Variants in MCCC2 observed in about 807,000 individuals in gnomAD.
MCCC2 encodes the protein methylcrotonyl-CoA carboxylase subunit 2, also known as methylcrotonoyl-CoA carboxylase beta chain, mitochondrial.
MCCC2 carries 52 observed loss-of-function variants against 77.2 expected under a neutral mutation model. The observed-to-expected ratio is 0.67, with a 90% CI of 0.54 to 0.85. The LOEUF is 0.85. MCCC2 is among the 40% of genes least tolerant of loss of function. The pLI, the probability that MCCC2 is intolerant of heterozygous loss-of-function variation, is 0.00. For missense variants in MCCC2, 682 were observed against 703.2 expected, an observed-to-expected ratio of 0.97 and a Z score of 0.34; for synonymous variants, 253 against 248.4, an observed-to-expected ratio of 1.02 and a Z score of -0.18.
intron 6 of MCCC2, among the ~76,000 whole-genome samples, chr5:71,612,969 C>T (rs1285393077): frequency 6.6e-6 from 1 of 152,214 alleles, no homozygotes; most frequent in African/African-American, 2.4e-5. Context: ...ACATTCTGTT[C>T]CTTTCCTAGC....
At chr5:71,626,598 A>G in intron 6 of MCCC2, 42 bp from the exon 7 acceptor site, 3 of 1,481,590 alleles carry the variant, frequency 2.0e-6, no homozygotes, top group Non-Finnish European at 2.8e-6. Flanking sequence ...AAGTCACTGC[A>G]TGAGCTGCAT....
Position 71,609,909 on chromosome 5 carries a change from G to A in MCCC2, c.624+5441G>A, listed in dbSNP as rs1745853466. Among the ~76,000 whole-genome samples the A allele has an allele frequency of 7.2e-5, 11 of 152,094 alleles. No homozygotes were observed. In the South Asian group the frequency reaches 2.3e-3, roughly 32 times the overall value. On this transcript the variant is annotated intron_variant, in intron 6 of 16. Coordinates refer to ENST00000340941, the MANE Select transcript of MCCC2 (RefSeq NM_022132.5). ...GTCAGGGGTCAGGGACCCACTTGAG[G>A]AGGCAGTCTGCCCGTTCTCAGATCT...
At position 71,649,234 on chromosome 5, in the gene MCCC2, A is replaced by T. The variant is rs765689621; in HGVS notation, c.1354A>T (p.Met452Leu). The change falls in exon 14 of 17, where the codon ATG (methionine) becomes TTG (leucine). Residue 452 changes from methionine to leucine, a missense_variant. Met to Leu is a conservative substitution (Grantham distance 15). Coordinates refer to ENST00000340941, the MANE Select transcript of MCCC2 (RefSeq NM_022132.5). ...CTCCTATGGAGCCGGAAACTATGGG[A>T]TGTGTGGCAGAGCATATAGGTAGGT... ...GGSYGAGNYG[M>L]CGRAYSPRFL... 1.9e-6 allele frequency: 3 copies of T among 1,614,156 alleles called. No homozygotes were observed. The highest frequency in any genetic ancestry group is 2.5e-6 in the Non-Finnish European group (3 of 1,179,972).
chr5:71,638,459 C>T (rs112049455), intron 10 of MCCC2, among the ~76,000 whole-genome samples: 10,719 of 152,222 alleles, frequency 0.07, 494 homozygotes, highest in African/African-American at 0.12. Flanking sequence ...AAAAGGTTTT[C>T]GATTTACTTT....
intron 6 of MCCC2, among the ~76,000 whole-genome samples, chr5:71,604,879 A>G (rs1028980243): frequency 4.9e-5 from 7 of 141,826 alleles, no homozygotes; most frequent in East Asian, 2.1e-4. Context: ...ATGATTTCCA[A>G]TTTCATCCAT....
intron 3 of MCCC2, 80 bp from the exon 4 acceptor site, chr5:71,599,578 CT>C (rs1214726361): frequency 8.1e-6 from 9 of 1,107,624 alleles, no homozygotes; most frequent in African/African-American, 1.5e-5. Flanking sequence ...GAGGAAAAAT[CT>C]TTTCCTTTTC....
At position 71,635,315 on chromosome 5, in the gene MCCC2, A is replaced by ATGTGT. The variant is rs1376583080; in HGVS notation, c.999+69_999+70insTGTGT. ...CTCTTTGTATGTGTATCTATTTGCA[A>ATGTGT]AGCTAAAGTTTGTTAAGATATGTTC... On this transcript the variant is annotated intron_variant, in intron 10 of 16. Coordinates refer to ENST00000340941, the MANE Select transcript of MCCC2 (RefSeq NM_022132.5). 3 of 1,390,226 alleles carry ATGTGT rather than the reference A, an allele frequency of 2.2e-6. No individual in the cohort carries two copies. The Admixed American group carries it at 5.0e-5, about 23-fold the overall frequency. 86.1% of individuals were successfully genotyped at this position (1,390,226 alleles called of 1,614,324 possible).
intron 4 of MCCC2, among the ~76,000 whole-genome samples, chr5:71,601,142 A>G (rs1367592843): frequency 6.6e-6 from 1 of 152,204 alleles, no homozygotes; most frequent in South Asian, 2.1e-4. Context: ...ATAGAAATGC[A>G]ATCTAGTATT....
At position 71,645,685 on chromosome 5, in the gene MCCC2, C is replaced by G. The variant is rs183064142; in HGVS notation, c.1150-526C>G. 8.5e-5 allele frequency among the ~76,000 whole-genome samples: 13 copies of G among 152,284 alleles called. No individual in the cohort carries two copies. In the South Asian group the frequency reaches 2.5e-3, roughly 29 times the overall value. ...TCAGCAATTCTCATTCGCATCAGTT[C>G]TTTCTTTTCTGTTACTTAAGTTTCA... On this transcript the variant is annotated intron_variant, in intron 12 of 16. Coordinates refer to ENST00000340941, the MANE Select transcript of MCCC2 (RefSeq NM_022132.5).
At chr5:71,644,238 A>G (rs1369001869) in intron 12 of MCCC2, among the ~76,000 whole-genome samples, 6 of 152,190 alleles carry the variant, frequency 3.9e-5, no homozygotes, top group Non-Finnish European at 5.9e-5. Flanking sequence ...GGACATGTAC[A>G]TATTCTCAGT....
At chr5:71,633,704 C>T (rs889827456) in intron 8 of MCCC2, among the ~76,000 whole-genome samples, 1 of 151,996 alleles carries the variant, frequency 6.6e-6, no homozygotes, top group African/African-American at 2.4e-5. Context: ...TTTTCCTTTC[C>T]TGCTGTTTTG....
intron 11 of MCCC2, 143 bp downstream of exon 11, chr5:71,641,218 T>A (rs538544881): frequency 1.4e-6 from 1 of 723,928 alleles, no homozygotes; most frequent in Admixed American, 2.2e-5. Context: ...TAAAAGGAAC[T>A]GCTTTATAAA....
intron 8 of MCCC2, among the ~76,000 whole-genome samples, chr5:71,632,585 A>G (rs1163158931): frequency 6.6e-6 from 1 of 152,218 alleles, no homozygotes; most frequent in African/African-American, 2.4e-5. Flanking sequence ...AAGGCTTACA[A>G]AGGAGAAGAG....
At chr5:71,647,373 C>A (rs1316212230) in intron 13 of MCCC2, among the ~76,000 whole-genome samples, 1 of 152,230 alleles carries the variant, frequency 6.6e-6, no homozygotes, top group Admixed American at 6.5e-5. Context: ...GAAGTTATAT[C>A]CAAATGGCAG....
At chr5:71,653,677 A>G (rs1747501598) in intron 16 of MCCC2, among the ~76,000 whole-genome samples, 1 of 151,878 alleles carries the variant, frequency 6.6e-6, no homozygotes, top group Admixed American at 6.6e-5. Context: ...GGTGAGACCC[A>G]GTCTCTACAA....
rs187496116 is a variant in MCCC2, at chr5:71,616,162, C to T, written c.625-10478C>T. On this transcript the variant is annotated intron_variant, in intron 6 of 16. Transcript: ENST00000340941. ...GCCCTCAGGACCTTTGCAGACTCGC[C>T]TTATGTATCTTTTCATCTGGCTGTT... 6.6e-5 allele frequency among the ~76,000 whole-genome samples: 10 copies of T among 152,336 alleles called. No individual in the cohort carries two copies. In the East Asian group the frequency reaches 1.5e-3, roughly 24 times the overall value.
intron 3 of MCCC2, 116 bp from the exon 4 acceptor site, chr5:71,599,543 T>C: frequency 1.3e-6 from 1 of 781,598 alleles, no homozygotes; most frequent in South Asian, 1.5e-5. Context: ...ATATACAACA[T>C]GTGTATTTGA....
intron 6 of MCCC2, among the ~76,000 whole-genome samples, chr5:71,616,789 C>T (rs545433530): frequency 2.6e-5 from 4 of 152,094 alleles, no homozygotes; most frequent in Non-Finnish European, 4.4e-5. Context: ...GCTCTGATGC[C>T]GGGCACAAAG....
intron 10 of MCCC2, among the ~76,000 whole-genome samples, chr5:71,637,876 C>G (rs1324922211): frequency 6.6e-6 from 1 of 152,070 alleles, no homozygotes; most frequent in Non-Finnish European, 1.5e-5. Flanking sequence ...CTGCGCCTGG[C>G]TAATTTTTTG....
Sources: gnomAD v4.1 joint callset for allele counts (sites outside exome capture counted in the v4.1 genomes callset) on GRCh38, gnomAD v4.1.1 for gene constraint, MANE v1.5 for transcripts, NCBI Gene and HGNC (gene_info 2026-07-23, HGNC 2026-07-21) for gene names.